The following DCHS1 variants were observed in gnomAD, a reference collection of about 807,000 sequenced individuals.
DCHS1 encodes the protein protocadherin-16.
A neutral mutation model predicts 213.9 loss-of-function variants in DCHS1; 78 were observed. The observed-to-expected ratio is 0.36, with a 90% CI of 0.30 to 0.44. The LOEUF is 0.44. Among genes scored for constraint, DCHS1 ranks in the 20% least tolerant of loss-of-function variants. The pLI, the probability that DCHS1 is intolerant of heterozygous loss-of-function variation, is 1.00. For missense variants in DCHS1, 3,946 were observed against 4,395.9 expected, an observed-to-expected ratio of 0.90 and a Z score of 2.89; for synonymous variants, 1,828 against 1,873.7, an observed-to-expected ratio of 0.98 and a Z score of 0.63.
chr11:6,632,630 C>G lies in DCHS1; in HGVS notation c.2882G>C (p.Gly961Ala). The G allele has an allele frequency of 6.5e-7, 1 of 1,548,762 alleles. No homozygotes were observed. Among genetic ancestry groups the G allele is most frequent in the Non-Finnish European group, 8.7e-7 (1 of 1,143,576 alleles). ...CTCCAGCTCCAGCTCATGGGCTGGC[C>G]CTCCTGAGGGCCCCAGAGGCCTCAT... Reference protein sequence around the residue: ...RLMRPLGPSGGPAHELELEAR... With the variant: ...RLMRPLGPSGAPAHELELEAR... Residue 961 changes from glycine to alanine, a missense_variant, in exon 6 of 21, where the codon GGG (glycine) becomes GCG (alanine). This residue lies in a region of DCHS1 where 3,384 missense variants were observed against 3,780.1 expected (regional missense o/e 0.90). Coordinates refer to ENST00000299441, the MANE Select transcript of DCHS1 (RefSeq NM_003737.4). The surrounding 1 kb of genome is among the most constrained non-coding windows in gnomAD (Gnocchi z 5.9).
rs1855936139 is a variant in DCHS1 at position 6,633,010 on chromosome 11, T to G, written c.2502A>C (p.Arg834=). 1.9e-6 allele frequency: 3 copies of G among 1,611,800 alleles called. No homozygotes were observed. The highest frequency in any genetic ancestry group is 2.5e-6 in the Non-Finnish European group (3 of 1,178,242). The change falls in exon 6 of 21, where the codon CGA becomes CGC. Residue 834 remains arginine (R), a synonymous_variant. Coordinates refer to ENST00000299441, the MANE Select transcript of DCHS1 (RefSeq NM_003737.4). ...ATACCGCATCTAGGGAGAAGAGTCC[T>G]CGGGGATCCCCACCTGATAGGGAAA... The part of the protein sequence containing the change: ...VTLSLSGGDP[R]GLFSLDAVSG...
At position 6,628,499 on chromosome 11, in the gene DCHS1, G is replaced by C. The variant is rs1479324664; in HGVS notation, c.5371+122C>G. ...CACTGGGTATAAGCATGAAAGAAAA[G>C]GTGGACGACATCAAGAGGGAAAAGG... On this transcript the variant is annotated intron_variant, in intron 13 of 20. Transcript: ENST00000299441. The surrounding 1 kb of genome is among the most constrained non-coding windows in gnomAD (Gnocchi z 4.3). 65 of 1,056,260 alleles carry C rather than the reference G, an allele frequency of 6.2e-5. No homozygotes were observed. The highest frequency in any genetic ancestry group is 3.0e-4 in the Middle Eastern group (1 of 3,342). The allele number at this position is 1,056,260 out of a possible 1,614,324, so 65.4% of individuals were successfully genotyped here.
chr11:6,623,860 A>G lies in DCHS1; in HGVS notation c.7816T>C (p.Ser2606Pro). 6.2e-7 allele frequency: 1 copy of G among 1,611,644 alleles called. No individual in the cohort carries two copies. The change falls in exon 21 of 21, where the codon TCC becomes CCC. Residue 2606 changes from serine to proline, a missense_variant. Coordinates refer to ENST00000299441, the MANE Select transcript of DCHS1 (RefSeq NM_003737.4). ...NDNPPVFTRA[S>P]YRVTVPEDTP... is the part of the protein sequence containing the mutation. ...TCCTCAGGTACTGTCACACGGTAGGATGCTCGGGTAAAGACAGGTGGGTTG... is the reference window on the plus strand; with the variant it reads ...TCCTCAGGTACTGTCACACGGTAGGGTGCTCGGGTAAAGACAGGTGGGTTG...
intron 2 of DCHS1, among the ~76,000 whole-genome samples, chr11:6,637,959 C>T (rs1162141556): frequency 6.6e-6 from 1 of 152,062 alleles, no homozygotes; most frequent in African/African-American, 2.4e-5. Flanking sequence ...TCATTTTTAC[C>T]CCGATTCTCT....
rs1470062315 is a variant in DCHS1 at position 6,639,831 on chromosome 11, T to C, written c.1783A>G (p.Thr595Ala). The C allele has an allele frequency of 2.5e-6, 4 of 1,598,204 alleles. No individual in the cohort carries two copies. Among genetic ancestry groups the C allele is most frequent in the Admixed American group, 1.7e-5 (1 of 59,342 alleles). The change falls in exon 2 of 21, where the codon ACT (threonine) becomes GCT (alanine). Residue 595 changes from threonine to alanine, a missense_variant. By Grantham distance (58) the Thr-to-Ala change is moderately conservative. This residue lies in a region of DCHS1 where 3,384 missense variants were observed against 3,780.1 expected (regional missense o/e 0.90). Coordinates refer to ENST00000299441, the MANE Select transcript of DCHS1 (RefSeq NM_003737.4). ...GGCCTACCCACCTGCAGGAAGCAAG[T>C]TCCAGGCTGGGTGCCCTCAGGCAGT... ...ASLPEGTQPG[T>A]CFLQVTATDA...
intron 1 of DCHS1, among the ~76,000 whole-genome samples, chr11:6,648,604 C>T (rs1856201021): frequency 2.6e-5 from 4 of 152,190 alleles, no homozygotes; most frequent in African/African-American, 7.2e-5. Context: ...TACTACACCC[C>T]TAGAATAGGG....
At chr11:6,652,466 G>A (rs984162227) in intron 1 of DCHS1, among the ~76,000 whole-genome samples, 3 of 152,160 alleles carry the variant, frequency 2.0e-5, no homozygotes, top group African/African-American at 7.2e-5. Context: ...TAGTTAACGG[G>A]GTATTACAGG....
chr11:6,649,442 G>A (rs890212771), intron 1 of DCHS1, among the ~76,000 whole-genome samples: 2 of 151,826 alleles, frequency 1.3e-5, no homozygotes, highest in Non-Finnish European at 2.9e-5. Flanking sequence ...GTGAGCATGG[G>A]GGCAGGTGGT....
chr11:6,649,337 T>C (rs1856211482), intron 1 of DCHS1, among the ~76,000 whole-genome samples: 1 of 151,776 alleles, frequency 6.6e-6, no homozygotes. Flanking sequence ...GGAAGGAGAA[T>C]GATCAAAGTT....
rs760057085 is a variant in DCHS1 at position 6,622,935 on chromosome 11, G to A, written c.8741C>T (p.Ala2914Val). The A allele has an allele frequency of 1.9e-6, 3 of 1,587,142 alleles. No individual in the cohort carries two copies. Among genetic ancestry groups the A allele is most frequent in the Admixed American group, 1.8e-5 (1 of 56,062 alleles). The change falls in exon 21 of 21, where the codon GCC becomes GTC. Residue 2914 changes from alanine to valine, a missense_variant. Physicochemically the swap from Ala to Val is moderately conservative, Grantham distance 64 (BLOSUM62 0). Around this residue, in one of 3 missense-constraint regions of DCHS1, gnomAD observed 554 missense variants for 590.2 expected, o/e 0.94. Transcript: ENST00000299441. This position sits in a 1 kb window ranked among gnomAD's most constrained non-coding sequence, Gnocchi z 5.4. ...GATATCCACGGTCACAGGCACTGTG[G>A]CACTCCGGGAACCAGGCAGAGGCCC... ...ARGPLPGSRSATVPVTVDITH... is the reference protein window; with the variant it reads ...ARGPLPGSRSVTVPVTVDITH...
rs752355289 is a variant in DCHS1, at chr11:6,630,660, G to A, written c.4134C>T (p.Thr1378=). Residue 1378 remains threonine, a synonymous_variant, in exon 10 of 21, where the codon ACC becomes ACT. Transcript: ENST00000299441. ...GCCCTGAGGCCGCATCCAGCGCGAA[G>A]GTGCCCTCGGGATCGGCACCGCCCA... ...TLVGGADPEG[T]FALDAASGRL... is the part of the protein sequence containing the mutation. 1 of 1,534,800 alleles carries A rather than the reference G, an allele frequency of 6.5e-7. No homozygotes were observed. The highest frequency in any genetic ancestry group is 1.2e-5 in the South Asian group (1 of 83,826).
Position 6,633,605 on chromosome 11 carries a change from A to G in DCHS1, c.2262T>C (p.Ser754=), listed in dbSNP as rs781513125. The G allele has an allele frequency of 3.1e-6, 5 of 1,599,598 alleles. No individual in the cohort carries two copies. The South Asian group carries it at 4.5e-5, about 14-fold the overall frequency. The change falls in exon 5 of 21, where the codon TCT becomes TCC. Residue 754 remains serine, a synonymous_variant. Coordinates refer to ENST00000299441, the MANE Select transcript of DCHS1 (RefSeq NM_003737.4). ...CAGCCCCGATCTCCAGCTGCACCAC[A>G]GAATTGGCCCGTCTGGCCAAGGGCC... is the stretch of plus-strand genomic sequence containing the variant. ...VAWPLARRAN[S]VVQLEIGAED...
rs1855808382 is a variant in DCHS1, at chr11:6,626,628, T to G, written c.6288A>C (p.Gly2096=). Residue 2096 remains glycine, a synonymous_variant, in exon 15 of 21, where the codon GGA becomes GGC. Coordinates refer to ENST00000299441, the MANE Select transcript of DCHS1 (RefSeq NM_003737.4). The surrounding 1 kb of genome is among the most constrained non-coding windows in gnomAD (Gnocchi z 5.2). ...TGTAGGTGATGGGTCCATTTGTGCC[T>G]CCTGCATGGACGGCCCTGGGGGAGA... is the stretch of plus-strand genomic sequence containing the variant. ...PIVSPRAVHA[G]GTNGPITYSI... is the part of the protein sequence containing the mutation. The G allele has an allele frequency of 1.2e-6, 2 of 1,613,854 alleles. No homozygotes were observed. The highest frequency in any genetic ancestry group is 2.2e-5 in the South Asian group (2 of 91,084).
In DCHS1 at chr11:6,633,028, T is replaced by G. The variant is rs781043036; in HGVS notation, c.2484A>C (p.Leu828=). Residue 828 remains leucine (L), a synonymous_variant, in exon 6 of 21, where the codon CTA becomes CTC. Transcript: ENST00000299441. The part of the protein sequence containing the change: ...PGRLAPVTLS[L]SGGDPRGLFS... Reference sequence around the variant, plus strand: ...AGAGTCCTCGGGGATCCCCACCTGATAGGGAAAGGGTCACAGGTGCCAAGC... The same window carrying G: ...AGAGTCCTCGGGGATCCCCACCTGAGAGGGAAAGGGTCACAGGTGCCAAGC... The G allele has an allele frequency of 5.6e-6, 9 of 1,609,038 alleles. No individual in the cohort carries two copies. Among genetic ancestry groups the G allele is most frequent in the Non-Finnish European group, 6.8e-6 (8 of 1,176,190 alleles).
rs1249190350 is a variant in DCHS1 at position 6,622,945 on chromosome 11, A to C, written c.8731T>G (p.Ser2911Ala). The change falls in exon 21 of 21, where the codon TCC becomes GCC. Residue 2911 changes from serine (S) to alanine (A), a missense_variant. By Grantham distance (99) the Ser-to-Ala change is moderately conservative. This residue lies in a region of DCHS1 where 554 missense variants were observed against 590.2 expected (regional missense o/e 0.94). Coordinates refer to ENST00000299441, the MANE Select transcript of DCHS1 (RefSeq NM_003737.4). The surrounding 1 kb of genome is among the most constrained non-coding windows in gnomAD (Gnocchi z 5.4). ...EVIARGPLPG[S>A]RSATVPVTVD... ...GTCACAGGCACTGTGGCACTCCGGG[A>C]ACCAGGCAGAGGCCCCCGTGCTATC... is the stretch of plus-strand genomic sequence containing the variant. The C allele has an allele frequency of 1.3e-6, 2 of 1,583,488 alleles. No homozygotes were observed. Among genetic ancestry groups the C allele is most frequent in the Non-Finnish European group, 1.7e-6 (2 of 1,165,218 alleles).
chr11:6,641,198 T>C lies in DCHS1; in HGVS notation c.416A>G (p.His139Arg). 2 of 1,613,622 alleles carry C rather than the reference T, an allele frequency of 1.2e-6. No individual in the cohort carries two copies. The highest frequency in any genetic ancestry group is 1.7e-6 in the Non-Finnish European group (2 of 1,179,876). The change falls in exon 2 of 21, where the codon CAT (histidine) becomes CGT (arginine). Residue 139 changes from histidine to arginine, a missense_variant. Physicochemically the swap from His to Arg is conservative, Grantham distance 29 (BLOSUM62 0). Transcript: ENST00000299441. This position sits in a 1 kb window ranked among gnomAD's most constrained non-coding sequence, Gnocchi z 7.1. ...VTVRVADINDHAPAFPQARAA... is the reference protein window; with the variant it reads ...VTVRVADINDRAPAFPQARAA... ...CCGAGCCTGTGGGAAGGCTGGAGCATGGTCGTTGATGTCAGCCACTCGCAC... is the reference window on the plus strand; with the variant it reads ...CCGAGCCTGTGGGAAGGCTGGAGCACGGTCGTTGATGTCAGCCACTCGCAC...
rs747663746 is a variant in DCHS1, at chr11:6,629,873, G to C, written c.4834C>G (p.Arg1612Gly). The change falls in exon 11 of 21, where the codon CGA becomes GGA. Residue 1612 changes from arginine to glycine, a missense_variant. Around this residue, in one of 3 missense-constraint regions of DCHS1, gnomAD observed 3,384 missense variants for 3,780.1 expected, o/e 0.90. Transcript: ENST00000299441. The stretch of plus-strand genomic sequence containing the variant: ...ACCACTGTCAGTACGTGCTCAGCTC[G>C]TTGTTCGCGGTCCAACGGCCGCACC... ...SVVRPLDREQ[R>G]AEHVLTVVAS... 3.1e-6 allele frequency: 5 copies of C among 1,612,832 alleles called. No individual in the cohort carries two copies. The Admixed American group carries it at 5.0e-5, about 16-fold the overall frequency.
Position 6,626,106 on chromosome 11 carries a change from C to G in DCHS1, c.6577-32G>C. ...AGGGTAGGAGGCTGCTGGGACTGGT[C>G]TGGCCACAGACAAGTCTGACTAGCC... is the stretch of plus-strand genomic sequence containing the variant. On this transcript the variant is annotated intron_variant, in intron 16 of 20. Transcript: ENST00000299441. The surrounding 1 kb of genome is among the most constrained non-coding windows in gnomAD (Gnocchi z 5.2). 3 of 1,600,652 alleles carry G rather than the reference C, an allele frequency of 1.9e-6. No individual in the cohort carries two copies. Among genetic ancestry groups the G allele is most frequent in the Middle Eastern group, 1.7e-4 (1 of 6,048 alleles).
Position 6,622,525 on chromosome 11 carries a change from G to A in DCHS1, c.9151C>T (p.Pro3051Ser). Residue 3051 changes from proline (P) to serine (S), a missense_variant, in exon 21 of 21, where the codon CCC becomes TCC. By Grantham distance (74) the Pro-to-Ser change is moderately conservative (BLOSUM62 -1). Coordinates refer to ENST00000299441, the MANE Select transcript of DCHS1 (RefSeq NM_003737.4). This position sits in a 1 kb window ranked among gnomAD's most constrained non-coding sequence, Gnocchi z 5.4. ...GAGGAGGCCACACTGGCCACACGGG[G>A]GAACTCATTGATCATGCGGATCTCA... ...DDEIRMINEF[P>S]RVASVASSLA... 1.9e-6 allele frequency: 3 copies of A among 1,579,318 alleles called. No individual in the cohort carries two copies. The highest frequency in any genetic ancestry group is 2.6e-6 in the Non-Finnish European group (3 of 1,163,228).
Sources: gnomAD v4.1 joint callset for allele counts (sites outside exome capture counted in the v4.1 genomes callset) on GRCh38, gnomAD v4.1.1 for gene constraint, gnomAD v4.1.1 regional missense constraint, Gnocchi (gnomAD v3.1) non-coding constraint, MANE v1.5 for transcripts, NCBI Gene and HGNC (gene_info 2026-07-23, HGNC 2026-07-21) for gene names.